PILRA: variants seen among roughly 807,000 people sequenced by gnomAD.
PILRA encodes the protein paired immunoglobulin-like type 2 receptor alpha.
A neutral mutation model predicts 33.1 loss-of-function variants in PILRA; 37 were observed. That is an observed-to-expected ratio of 1.12 (90% CI 0.86 to 1.47). PILRA has a LOEUF of 1.47. Ranked by LOEUF, PILRA falls within the 40% of genes most tolerant of loss-of-function variation. The probability of loss-of-function intolerance (pLI) is 0.00; values close to 1 mark genes in which losing one functional copy is unlikely to be tolerated. For missense variants in PILRA, 312 were observed against 376.2 expected (o/e 0.83, Z 1.41); for synonymous variants, 146 against 149.9 (o/e 0.97, Z 0.19).
At chr7:100,372,469 C>T (rs1405230581), upstream of PILRA, among the ~76,000 whole-genome samples, 2 of 152,178 alleles carry the variant, frequency 1.3e-5, no homozygotes, top group East Asian at 1.9e-4. Flanking sequence ...CAACTGATGC[C>T]ACCTCACCCT....
chr7:100,373,761 C>T, intron 1 of PILRA, 41 bp downstream of exon 1: 2 of 1,609,134 alleles, frequency 1.2e-6, no homozygotes, highest in Non-Finnish European at 1.7e-6. Flanking sequence ...TCTGCCCAAA[C>T]CACAGGAGGG....
chr7:100,394,327 G>C (rs554766910), intron 3 of PILRA, among the ~76,000 whole-genome samples: 3 of 152,200 alleles, frequency 2.0e-5, no homozygotes, highest in Admixed American at 1.3e-4. Context: ...ATTCTGTGAG[G>C]TCAGCATTAC....
rs747034333 is a variant in PILRA, at chr7:100,374,423, C to T, written c.444C>T (p.Ser148=). The change falls in exon 2 of 7, where the codon TCC becomes TCT. Residue 148 remains serine (S), a synonymous_variant. Transcript: ENST00000198536. ...AGTCCATCGAGGGGACCAAACTCTC[C>T]ATCACCCAGGGTGAGTCCAGCTGCC... ...QWQSIEGTKL[S]ITQAVTTTTQ... is the part of the protein sequence containing the mutation. 10 of 1,614,020 alleles carry T rather than the reference C, an allele frequency of 6.2e-6. No individual in the cohort carries two copies. In the South Asian group the frequency reaches 6.6e-5, roughly 11 times the overall value.
In PILRA at chr7:100,399,893, G is replaced by A. The variant is rs368207858; in HGVS notation, c.898G>A (p.Val300Ile). 37 of 1,609,256 alleles carry A rather than the reference G, an allele frequency of 2.3e-5. No individual in the cohort carries two copies. In the African/African-American group the frequency reaches 4.4e-4, roughly 19 times the overall value. The change falls in exon 7 of 7, where the codon GTC becomes ATC. Residue 300 changes from valine (V) to isoleucine (I), a missense_variant. Coordinates refer to ENST00000198536, the MANE Select transcript of PILRA (RefSeq NM_013439.3). ...KSPQNETLYS[V>I]LKA ...CCCCCAGAACGAGACCCTGTACTCT[G>A]TCTTAAAGGCCTAACCAATGGACAG...
chr7:100,372,032 C>T (rs1168767493), upstream of PILRA, among the ~76,000 whole-genome samples: 1 of 152,208 alleles, frequency 6.6e-6, no homozygotes, highest in Non-Finnish European at 1.5e-5. Context: ...AGCAGGTGAC[C>T]TTTCAGCCAG....
chr7:100,381,588 C>T (rs1273205827), intron 2 of PILRA, among the ~76,000 whole-genome samples: 1 of 152,260 alleles, frequency 6.6e-6, no homozygotes, highest in African/African-American at 2.4e-5. Context: ...AGCCCTCGCT[C>T]GCTCTAGGCG....
At chr7:100,373,128 C>A (rs1790857905), upstream of PILRA, among the ~76,000 whole-genome samples, 1 of 152,072 alleles carries the variant, frequency 6.6e-6, no homozygotes, top group Non-Finnish European at 1.5e-5. Context: ...TCTGCTTGGG[C>A]TGGGGGCTGA....
intron 3 of PILRA, among the ~76,000 whole-genome samples, chr7:100,391,312 ACCACTGCACTC>A (rs1791386565): frequency 2.0e-5 from 3 of 151,428 alleles, no homozygotes; most frequent in Admixed American, 2.0e-4. Flanking sequence ...CTGTGATTTC[ACCACTGCACTC>A]CAGCCTGGGA....
intron 3 of PILRA, among the ~76,000 whole-genome samples, chr7:100,393,174 G>C (rs192041424): frequency 3.7e-4 from 56 of 152,196 alleles, no homozygotes; most frequent in Non-Finnish European, 7.1e-4. Context: ...CAGCTACTTG[G>C]GGGGCTGAGG....
rs367568849 is a variant in PILRA at position 100,386,983 on chromosome 7, G to T, written c.455-2905G>T. Among the ~76,000 whole-genome samples the T allele has an allele frequency of 4.6e-5, 7 of 152,208 alleles. No homozygotes were observed. In the South Asian group the frequency reaches 1.5e-3, roughly 32 times the overall value. On this transcript the variant is annotated intron_variant, in intron 2 of 6. Transcript: ENST00000198536. ...TTCTATGTTCCTTAAATTTTTACAA[G>T]AATTTCTTTTTAAAACTTCCTAAGC...
chr7:100,383,194 G>C (rs140620919), intron 2 of PILRA, among the ~76,000 whole-genome samples: 1 of 152,122 alleles, frequency 6.6e-6, no homozygotes, highest in African/African-American at 2.4e-5. Context: ...AGTCAGGGAC[G>C]GGGAGGTACC....
chr7:100,397,166 G>A (rs1443287662), intron 3 of PILRA, among the ~76,000 whole-genome samples: 2 of 148,190 alleles, frequency 1.3e-5, no homozygotes, highest in Non-Finnish European at 2.9e-5. Context: ...GGAAGGGGAG[G>A]TCCCTGGAGT....
At chr7:100,384,617 CA>C (rs551072668) in intron 2 of PILRA, among the ~76,000 whole-genome samples, 15 of 151,564 alleles carry the variant, frequency 9.9e-5, no homozygotes, top group Non-Finnish European at 1.9e-4. Context: ...AGGCTATCCA[CA>C]AAAAAATTTT....
rs1445777216 is a variant in PILRA, at chr7:100,373,854, G to A, written c.64+134G>A. 1.5e-5 allele frequency: 20 copies of A among 1,315,734 alleles called. No individual in the cohort carries two copies. In the Admixed American group the frequency reaches 2.2e-4, roughly 15 times the overall value. 81.5% of individuals were successfully genotyped at this position (1,315,734 alleles called of 1,614,324 possible). A position where few individuals can be genotyped will look rare whatever the true frequency, so the allele number is the denominator to read the frequency against. On this transcript the variant is annotated intron_variant, in intron 1 of 6. Coordinates refer to ENST00000198536, the MANE Select transcript of PILRA (RefSeq NM_013439.3). ...AAACAAGGGCGGGTCCCACAGGGGCGGGTGACCCCATCCTCTCCCCCTCCT... is the reference window on the plus strand; with the variant it reads ...AAACAAGGGCGGGTCCCACAGGGGCAGGTGACCCCATCCTCTCCCCCTCCT...
intron 2 of PILRA, among the ~76,000 whole-genome samples, chr7:100,375,864 C>G (rs962416537): frequency 6.6e-6 from 1 of 152,232 alleles, no homozygotes; most frequent in African/African-American, 2.4e-5. Context: ...TACTTTTGAA[C>G]CTAGTGATGG....
At chr7:100,380,680 G>T (rs1172803601) in intron 2 of PILRA, among the ~76,000 whole-genome samples, 1 of 152,110 alleles carries the variant, frequency 6.6e-6, no homozygotes, top group Non-Finnish European at 1.5e-5. Context: ...AATTGGCTGG[G>T]TGTGGCCTGT....
chr7:100,393,261 T>A (rs1021602482), intron 3 of PILRA, among the ~76,000 whole-genome samples: 1 of 150,756 alleles, frequency 6.6e-6, no homozygotes, highest in East Asian at 1.9e-4. Flanking sequence ...GCCTGGGTGA[T>A]AGAGCGAGAC....
intron 2 of PILRA, among the ~76,000 whole-genome samples, chr7:100,388,298 T>G (rs1369923896): frequency 6.6e-6 from 1 of 152,202 alleles, no homozygotes; most frequent in Non-Finnish European, 1.5e-5. Flanking sequence ...GAGTACTATG[T>G]CAATTTTTTA....
At chr7:100,390,215 C>G in intron 3 of PILRA, 109 bp downstream of exon 3, 1 of 969,148 alleles carries the variant, frequency 1.0e-6, no homozygotes, top group Admixed American at 2.1e-5. Flanking sequence ...TGGCTCCCCT[C>G]AAGCCCACCG....
Sources: allele counts gnomAD v4.1 joint callset (sites outside exome capture counted in the v4.1 genomes callset), GRCh38; gene constraint gnomAD v4.1.1; transcripts MANE v1.5; gene names NCBI Gene and HGNC (gene_info 2026-07-23, HGNC 2026-07-21).